The following FER variants were observed in gnomAD, a reference collection of about 807,000 sequenced individuals.
The protein encoded by FER is FER tyrosine kinase.
A neutral mutation model predicts 111.0 loss-of-function variants in FER; 63 were observed. The observed-to-expected ratio is 0.57, with a 90% confidence interval of 0.46 to 0.70. FER has a LOEUF of 0.70. Ranked by LOEUF, FER falls within the 30% of genes least tolerant of loss-of-function variation. The pLI, the probability that FER is intolerant of heterozygous loss-of-function variation, is 0.00. For missense variants in FER, 914 were observed against 954.0 expected (o/e 0.96, Z 0.55); for synonymous variants, 327 against 313.9 (o/e 1.04, Z -0.44).
chr5:109,143,601 T>G (rs181674671), intron 17 of FER, among the ~76,000 whole-genome samples: 1 of 152,076 alleles, frequency 6.6e-6, no homozygotes, highest in South Asian at 2.1e-4. Context: ...TCCATTATAC[T>G]CTGTCCCCGA....
At chr5:109,015,888 G>T (rs1767035009) in intron 13 of FER, among the ~76,000 whole-genome samples, 1 of 151,872 alleles carries the variant, frequency 6.6e-6, no homozygotes, top group East Asian at 1.9e-4. Flanking sequence ...ATACTCCGAA[G>T]AATGTCTTTA....
At chr5:109,169,747 A>G (rs1756912234) in intron 17 of FER, among the ~76,000 whole-genome samples, 1 of 152,208 alleles carries the variant, frequency 6.6e-6, no homozygotes, top group South Asian at 2.1e-4. Flanking sequence ...AGAGTTTGCC[A>G]TTTGCCACCC....
intron 3 of FER, among the ~76,000 whole-genome samples, chr5:108,822,337 T>A (rs1487705131): frequency 6.6e-6 from 1 of 152,234 alleles, no homozygotes; most frequent in East Asian, 1.9e-4. Context: ...GTTCTGTTGG[T>A]ATAATAGAAT....
At chr5:109,060,386 C>A (rs893620781) in intron 16 of FER, among the ~76,000 whole-genome samples, 2 of 152,178 alleles carry the variant, frequency 1.3e-5, no homozygotes, top group Non-Finnish European at 2.9e-5. Context: ...TATGAACTTA[C>A]TCAACTTACT....
At chr5:109,044,652 C>T (rs1397858503) in intron 14 of FER, 28 bp from the exon 15 acceptor site, 3 of 1,171,048 alleles carry the variant, frequency 2.6e-6, no homozygotes, top group African/African-American at 3.1e-5. Flanking sequence ...TCATTTACCC[C>T]AGACAATGAA....
intron 17 of FER, among the ~76,000 whole-genome samples, chr5:109,161,828 C>T (rs1756020743): frequency 6.6e-6 from 1 of 152,110 alleles, no homozygotes; most frequent in South Asian, 2.1e-4. Flanking sequence ...GTTTCTAGGT[C>T]TTTGAGGAAT....
chr5:108,894,873 C>A (rs1748822208), intron 9 of FER, among the ~76,000 whole-genome samples: 1 of 152,038 alleles, frequency 6.6e-6, no homozygotes, highest in African/African-American at 2.4e-5. Context: ...AAAGACCCCC[C>A]ATCATGTTTC....
chr5:109,029,425 C>CTTTTTTT (rs757282669), intron 13 of FER, among the ~76,000 whole-genome samples: 299 of 52,104 alleles, frequency 5.7e-3, no homozygotes, highest in African/African-American at 6.7e-3. Flanking sequence ...ATTCATTGTT[C>CTTTTTTT]TTTTTTTTTT....
At chr5:108,824,435 A>G (rs191487777) in intron 3 of FER, among the ~76,000 whole-genome samples, 197 of 152,202 alleles carry the variant, frequency 1.3e-3, no homozygotes, top group African/African-American at 4.2e-3. Context: ...ATGAACGTAA[A>G]CATATTTTCC....
chr5:109,144,102 A>G (rs1753808111), intron 17 of FER, among the ~76,000 whole-genome samples: 1 of 151,952 alleles, frequency 6.6e-6, no homozygotes, highest in Admixed American at 6.6e-5. Flanking sequence ...ATTTGGAACC[A>G]TTTTCCTGGT....
intron 10 of FER, among the ~76,000 whole-genome samples, chr5:108,909,046 C>G (rs556558493): frequency 2.0e-5 from 3 of 152,124 alleles, no homozygotes; most frequent in Non-Finnish European, 4.4e-5. Context: ...ACAAACAAAA[C>G]AATTATGTTT....
chr5:109,045,539 T>G (rs1771843308), intron 15 of FER, among the ~76,000 whole-genome samples: 1 of 152,128 alleles, frequency 6.6e-6, no homozygotes. Flanking sequence ...TATTTTTAGT[T>G]CATGTTTAGA....
intron 13 of FER, among the ~76,000 whole-genome samples, chr5:108,992,328 A>AC (rs980903635): frequency 5.3e-5 from 8 of 151,698 alleles, no homozygotes; most frequent in Non-Finnish European, 1.2e-4. Flanking sequence ...CCCCACCTTT[A>AC]CCCCCTTTCT....
At chr5:109,149,567 G>A (rs991148665) in intron 17 of FER, among the ~76,000 whole-genome samples, 2 of 152,048 alleles carry the variant, frequency 1.3e-5, no homozygotes, top group African/African-American at 2.4e-5. Flanking sequence ...CACCAATAGA[G>A]AAACAAATTT....
At chr5:109,122,304 C>T (rs1751082864) in intron 17 of FER, among the ~76,000 whole-genome samples, 1 of 151,814 alleles carries the variant, frequency 6.6e-6, no homozygotes, top group Non-Finnish European at 1.5e-5. Flanking sequence ...TTTTTAATTT[C>T]CTTCTTAATT....
In FER at chr5:109,005,066, C is replaced by G. The variant is rs998707217; in HGVS notation, c.1657-32356C>G. ...CTATCCATCCCTAGGGATAAAGGGA[C>G]AAGAGGCAGAAATAGTTACCAGAAT... On this transcript the variant is annotated intron_variant, in intron 13 of 19. Coordinates refer to ENST00000281092, the MANE Select transcript of FER (RefSeq NM_005246.4). Among the ~76,000 whole-genome samples the G allele has an allele frequency of 2.0e-5, 3 of 152,086 alleles. No homozygotes were observed. In the South Asian group the frequency reaches 6.2e-4, roughly 32 times the overall value.
intron 17 of FER, among the ~76,000 whole-genome samples, chr5:109,148,154 C>T (rs1365902622): frequency 1.3e-5 from 2 of 151,818 alleles, no homozygotes; most frequent in African/African-American, 4.8e-5. Context: ...ATATAATTAT[C>T]CTGCAACTCC....
At chr5:109,006,303 G>A (rs765194974) in intron 13 of FER, among the ~76,000 whole-genome samples, 4 of 152,174 alleles carry the variant, frequency 2.6e-5, no homozygotes, top group East Asian at 1.9e-4. Flanking sequence ...GGTATCTGGC[G>A]GAGGTAATGA....
intron 3 of FER, chr5:108,820,459 A>G: frequency 1.0e-6 from 1 of 985,462 alleles, no homozygotes; most frequent in Non-Finnish European, 1.2e-6. Context: ...GGTGGCCCTT[A>G]AGTCCAAGAG....
Sources: allele counts gnomAD v4.1 joint callset (sites outside exome capture counted in the v4.1 genomes callset), GRCh38; gene constraint gnomAD v4.1.1; transcripts MANE v1.5; gene names NCBI Gene and HGNC (gene_info 2026-07-23, HGNC 2026-07-21).